Variants in WDFY1 observed in about 807,000 individuals in gnomAD.
The protein encoded by WDFY1 is WD repeat and FYVE domain-containing protein 1.
In WDFY1, 32 loss-of-function variants were observed where a neutral mutation model predicts 56.4. The ratio of observed to expected loss-of-function variants is 0.57; its 90% CI spans 0.43 to 0.76. The LOEUF (loss-of-function observed/expected upper bound fraction) is 0.76. Ranked by LOEUF, WDFY1 falls within the 30% of genes least tolerant of loss-of-function variation. WDFY1 has a pLI of 0.00. For missense variants in WDFY1, 480 were observed against 545.7 expected, an observed-to-expected ratio of 0.88 and a Z score of 1.20; for synonymous variants, 192 against 197.3, an observed-to-expected ratio of 0.97 and a Z score of 0.23.
At chr2:223,884,962 C>T (rs1693147582) in intron 8 of WDFY1, among the ~76,000 whole-genome samples, 1 of 151,444 alleles carries the variant, frequency 6.6e-6, no homozygotes, top group South Asian at 2.1e-4. Context: ...CTGCCTCAGG[C>T]TCCCAAGTGG....
intron 5 of WDFY1, 53 bp from the exon 6 acceptor site, chr2:223,899,123 A>G: frequency 7.1e-7 from 1 of 1,398,846 alleles, no homozygotes; most frequent in Admixed American, 1.7e-5. Context: ...AAGTCCTCTC[A>G]TAAGAGAGAT....
chr2:223,944,865 G>A (rs1453739429), intron 1 of WDFY1, among the ~76,000 whole-genome samples: 1 of 148,826 alleles, frequency 6.7e-6, no homozygotes. Context: ...TGGGCGGCGC[G>A]GTGAGACGGA....
chr2:223,882,211 T>A, intron 9 of WDFY1, 139 bp from the exon 10 acceptor site: 1 of 1,125,972 alleles, frequency 8.9e-7, no homozygotes, highest in Non-Finnish European at 1.2e-6. Context: ...GGCGCCCGGG[T>A]TCTACCAATT....
chr2:223,894,602 T>G (rs538237821), intron 7 of WDFY1: 30 of 461,344 alleles, frequency 6.5e-5, no homozygotes, highest in Middle Eastern at 1.2e-3. Context: ...ATGAGGGCTA[T>G]GGTTTTTGGG....
chr2:223,903,662 A>T lies in WDFY1; in HGVS notation c.334+2285T>A, dbSNP rs114772478. On this transcript the variant is annotated intron_variant, in intron 4 of 11. Coordinates refer to ENST00000233055, the MANE Select transcript of WDFY1 (RefSeq NM_020830.5). ...ACACGTTTTTTGTTTTTTTTTTTTT[A>T]AAAAAAGGGACAGGATCTCACTCTG... Among the ~76,000 whole-genome samples the T allele has an allele frequency of 1.9e-3, 237 of 126,836 alleles. 1 individual carries two copies. Among genetic ancestry groups the T allele is most frequent in the African/African-American group, 7.9e-3 (181 of 22,840 alleles). 83.2% of individuals were successfully genotyped at this position (126,836 alleles called of 152,430 possible).
intron 1 of WDFY1, among the ~76,000 whole-genome samples, chr2:223,942,151 C>G (rs1689314836): frequency 6.6e-6 from 1 of 152,154 alleles, no homozygotes; most frequent in Admixed American, 6.5e-5. Flanking sequence ...GACCAGCAAT[C>G]TCAAATATTT....
intron 1 of WDFY1, among the ~76,000 whole-genome samples, chr2:223,929,439 C>A (rs377346960): frequency 6.6e-6 from 1 of 152,000 alleles, no homozygotes; most frequent in African/African-American, 2.4e-5. Flanking sequence ...CTGCCCACCT[C>A]GATCTCCCAA....
intron 1 of WDFY1, among the ~76,000 whole-genome samples, chr2:223,942,319 A>C (rs1277245974): frequency 1.3e-5 from 2 of 150,660 alleles, no homozygotes; most frequent in Non-Finnish European, 2.9e-5. Flanking sequence ...TCCCAGGTTC[A>C]CGCCATTCTC....
chr2:223,921,459 GA>G (rs201149852), intron 1 of WDFY1, among the ~76,000 whole-genome samples: 6 of 148,914 alleles, frequency 4.0e-5, no homozygotes, highest in Middle Eastern at 3.5e-3. Context: ...ATTTGCAAGG[GA>G]AAAAAAAATA....
intron 7 of WDFY1, 101 bp from the exon 8 acceptor site, chr2:223,894,440 T>C: frequency 5.9e-6 from 7 of 1,193,986 alleles, no homozygotes; most frequent in Non-Finnish European, 8.5e-6. Flanking sequence ...AATCAGCAAG[T>C]GGTATTTTAC....
At chr2:223,887,851 C>T (rs1415682342) in intron 8 of WDFY1, among the ~76,000 whole-genome samples, 5 of 152,102 alleles carry the variant, frequency 3.3e-5, no homozygotes, top group Admixed American at 6.5e-5. Flanking sequence ...ACATTATTGG[C>T]CTGGTTTGAT....
Position 223,875,806 on chromosome 2 carries a change from C to G in WDFY1, c.*2865G>C, listed in dbSNP as rs1273984987. Reference sequence around the variant, plus strand: ...ATTTTTTTTACACTTTAGGAGATACCATATCCAATAACGGAAGTAGAAGTA... The same window carrying G: ...ATTTTTTTTACACTTTAGGAGATACGATATCCAATAACGGAAGTAGAAGTA... On this transcript the variant is annotated 3_prime_UTR_variant, in exon 12 of 12. Transcript: ENST00000233055. 1 of 151,984 alleles carries G rather than the reference C, an allele frequency of 6.6e-6. No homozygotes were observed. The highest frequency in any genetic ancestry group is 1.5e-5 in the Non-Finnish European group (1 of 67,990). 9.4% of individuals were successfully genotyped at this position (151,984 alleles called of 1,614,324 possible). A position where few individuals can be genotyped will look rare whatever the true frequency, so the allele number is the denominator to read the frequency against.
In WDFY1 at chr2:223,878,643, T is replaced by C. The variant is rs1574754303; in HGVS notation, c.*28A>G. On this transcript the variant is annotated 3_prime_UTR_variant, in exon 12 of 12. Transcript: ENST00000233055. ...CTTCATTTGGTGGAGCTGCTGTTCT[T>C]AGGTGTGGACGCCGCCCAGCTCTCA... 2 of 1,575,918 alleles carry C rather than the reference T, an allele frequency of 1.3e-6. No individual in the cohort carries two copies. The highest frequency in any genetic ancestry group is 2.2e-5 in the East Asian group (1 of 44,650).
intron 3 of WDFY1, among the ~76,000 whole-genome samples, chr2:223,910,721 A>T (rs1693683985): frequency 6.6e-6 from 1 of 152,160 alleles, no homozygotes; most frequent in Non-Finnish European, 1.5e-5. Context: ...ACCCCCCAGG[A>T]TGACCATAAC....
In WDFY1 at chr2:223,911,138, C is replaced by A. The variant is rs143879078; in HGVS notation, c.279+1115G>T. On this transcript the variant is annotated intron_variant, in intron 3 of 11. Transcript: ENST00000233055. ...AACATTATGTTAAGTGAAAGACAGA[C>A]ATAAAAGGCCACACATATTGTATGA... Among the ~76,000 whole-genome samples the A allele has an allele frequency of 1.2e-3, 190 of 152,180 alleles. 2 individuals carry two copies. The East Asian group carries it at 0.029, about 23-fold the overall frequency.
intron 1 of WDFY1, among the ~76,000 whole-genome samples, chr2:223,934,081 C>CTTTTTTTTTTTTTT (rs201021204): frequency 2.2e-5 from 3 of 136,162 alleles, no homozygotes; most frequent in African/African-American, 8.3e-5. Context: ...TTTTTCTTTT[C>CTTTTTTTTTTTTTT]TTTTTTTTTT....
At chr2:223,895,453 A>G in intron 7 of WDFY1, 51 bp downstream of exon 7, 1 of 1,612,854 alleles carries the variant, frequency 6.2e-7, no homozygotes, top group Non-Finnish European at 8.5e-7. Context: ...GCCTTTCACT[A>G]GCTCCCCACT....
intron 1 of WDFY1, among the ~76,000 whole-genome samples, chr2:223,939,386 C>T (rs1348132743): frequency 6.6e-6 from 1 of 152,158 alleles, no homozygotes; most frequent in African/African-American, 2.4e-5. Flanking sequence ...TGGTGTGGGG[C>T]ATAACAGGAT....
intron 1 of WDFY1, among the ~76,000 whole-genome samples, 153 bp from the exon 2 acceptor site, chr2:223,918,163 G>A (rs763066262): frequency 6.6e-6 from 1 of 151,678 alleles, no homozygotes; most frequent in Non-Finnish European, 1.5e-5. Flanking sequence ...ATACATACAT[G>A]TACACATACA....
Sources: gnomAD v4.1 joint callset for allele counts (sites outside exome capture counted in the v4.1 genomes callset) on GRCh38, gnomAD v4.1.1 for gene constraint, MANE v1.5 for transcripts, NCBI Gene and HGNC (gene_info 2026-07-23, HGNC 2026-07-21) for gene names.